TRPM2: variants seen among roughly 807,000 people sequenced by gnomAD.
TRPM2 encodes the protein transient receptor potential cation channel subfamily M member 2.
TRPM2 carries 161 observed loss-of-function variants against 174.0 expected under a neutral mutation model. The ratio of observed to expected loss-of-function variants is 0.93; its 90% CI spans 0.81 to 1.05. The LOEUF (loss-of-function observed/expected upper bound fraction) is 1.05, where lower values mean the gene tolerates loss of function less well. TRPM2 is among the 50% of genes least tolerant of loss of function. TRPM2 has a pLI of 0.00. For missense variants in TRPM2, 2,057 were observed against 2,038.0 expected, an observed-to-expected ratio of 1.01 and a Z score of -0.18; for synonymous variants, 954 against 861.3, an observed-to-expected ratio of 1.11 and a Z score of -1.88.
At chr21:44,378,972 G>A in intron 7 of TRPM2, 25 bp from the exon 8 acceptor site, 1 of 1,597,180 alleles carries the variant, frequency 6.3e-7, no homozygotes, top group Non-Finnish European at 8.5e-7. Context: ...CCAGTCCCGG[G>A]CTCACACCCC....
At chr21:44,377,274 G>A (rs1393736849) in intron 6 of TRPM2, among the ~76,000 whole-genome samples, 1 of 152,226 alleles carries the variant, frequency 6.6e-6, no homozygotes, top group Non-Finnish European at 1.5e-5. Context: ...GACACAGGAT[G>A]GACGTGCCGC....
At chr21:44,441,489 C>A (rs1569127592) in intron 31 of TRPM2, among the ~76,000 whole-genome samples, 1 of 152,212 alleles carries the variant, frequency 6.6e-6, no homozygotes, top group Non-Finnish European at 1.5e-5. Flanking sequence ...AAAGCTGCAC[C>A]TGCATCTTCT....
At chr21:44,426,073 C>T (rs894658516) in intron 25 of TRPM2, among the ~76,000 whole-genome samples, 1 of 152,170 alleles carries the variant, frequency 6.6e-6, no homozygotes, top group African/African-American at 2.4e-5. Context: ...CCCCACAGAG[C>T]TCGAGGCTTA....
chr21:44,426,521 C>T, intron 25 of TRPM2, 139 bp from the exon 26 acceptor site: 1 of 901,492 alleles, frequency 1.1e-6, no homozygotes, highest in Non-Finnish European at 1.8e-6. Flanking sequence ...CGGATCTGCC[C>T]AGCTTGGAGC....
Position 44,439,299 on chromosome 21 carries a change from G to T in TRPM2, c.4269+131G>T. 1.3e-6 allele frequency: 1 copy of T among 772,928 alleles called. No individual in the cohort carries two copies. The allele number at this position is 772,928 out of a possible 1,614,324, so 47.9% of individuals were successfully genotyped here. A position where few individuals can be genotyped will look rare whatever the true frequency, so the allele number is the denominator to read the frequency against. On this transcript the variant is annotated intron_variant, in intron 30 of 31. Transcript: ENST00000397928. The surrounding 1 kb of genome is among the most constrained non-coding windows in gnomAD (Gnocchi z 5.1). ...TCCCACCCAGCTTCACCAGGTGACGGTGGTCCCAGCCCCTGCCCCCACGTT... is the reference window on the plus strand; with the variant it reads ...TCCCACCCAGCTTCACCAGGTGACGTTGGTCCCAGCCCCTGCCCCCACGTT...
At chr21:44,417,298 C>T (rs2050329930) in intron 20 of TRPM2, among the ~76,000 whole-genome samples, 3 of 133,702 alleles carry the variant, frequency 2.2e-5, no homozygotes, top group African/African-American at 8.7e-5. Context: ...TCTGGCATCA[C>T]AGTGGGCACA....
At chr21:44,392,455 G>A (rs1377096274) in intron 11 of TRPM2, among the ~76,000 whole-genome samples, 2 of 150,140 alleles carry the variant, frequency 1.3e-5, no homozygotes, top group Non-Finnish European at 3.0e-5. Context: ...TTGTTGAGAT[G>A]GGGTCTCATT....
intron 19 of TRPM2, among the ~76,000 whole-genome samples, chr21:44,413,142 C>G (rs994595890): frequency 6.6e-6 from 1 of 151,848 alleles, no homozygotes. Flanking sequence ...CTTGTCGATA[C>G]ATTGCCTCTG....
intron 9 of TRPM2, 126 bp from the exon 10 acceptor site, chr21:44,390,778 G>T (rs911445375): frequency 3.0e-6 from 4 of 1,314,058 alleles, no homozygotes; most frequent in Non-Finnish European, 3.2e-6. Context: ...TGGGTGCTGC[G>T]CCTGTCACTT....
intron 12 of TRPM2, among the ~76,000 whole-genome samples, chr21:44,396,016 C>G (rs141359423): frequency 1.5e-3 from 12 of 7,962 alleles, no homozygotes; most frequent in Middle Eastern, 0.1. Flanking sequence ...TGTGGAGGCT[C>G]TGGAGGGGTG....
Position 44,390,995 on chromosome 21 carries a change from T to C in TRPM2, c.1410T>C (p.Ser470=), listed in dbSNP as rs2049155727. The change falls in exon 10 of 32, where the codon AGT becomes AGC. Residue 470 remains serine, a synonymous_variant. Coordinates refer to ENST00000397928, the MANE Select transcript of TRPM2 (RefSeq NM_003307.4). ...VAWNRVDIAR[S]EIFMDEWQWK... ...GGAATCGCGTGGACATTGCCCGCAGTGAGATCTTCATGGATGAGTGGCAGT... is the reference window on the plus strand; with the variant it reads ...GGAATCGCGTGGACATTGCCCGCAGCGAGATCTTCATGGATGAGTGGCAGT... 6.8e-6 allele frequency: 11 copies of C among 1,612,994 alleles called. No individual in the cohort carries two copies. Among genetic ancestry groups the C allele is most frequent in the Non-Finnish European group, 8.5e-6 (10 of 1,179,288 alleles).
intron 19 of TRPM2, 119 bp downstream of exon 19, chr21:44,406,884 C>A (rs1162602373): frequency 4.1e-5 from 54 of 1,318,708 alleles, no homozygotes; most frequent in Non-Finnish European, 5.2e-5. Context: ...GCGGTTCCCA[C>A]CTGGCCGGTG....
chr21:44,410,716 G>A (rs1475555492), intron 19 of TRPM2, among the ~76,000 whole-genome samples: 2 of 63,288 alleles, frequency 3.2e-5, no homozygotes, highest in Non-Finnish European at 7.4e-5. Context: ...GCGTAGCCTT[G>A]TAGTAAGTTT....
intron 9 of TRPM2, among the ~76,000 whole-genome samples, chr21:44,386,300 T>G (rs1174262284): frequency 6.6e-6 from 1 of 152,028 alleles, no homozygotes; most frequent in Non-Finnish European, 1.5e-5. Flanking sequence ...CCCAGCTACT[T>G]GGGAGGCTGA....
Position 44,439,024 on chromosome 21 carries a change from C to T in TRPM2, c.4168-43C>T. The T allele has an allele frequency of 6.4e-7, 1 of 1,562,034 alleles. No individual in the cohort carries two copies. The highest frequency in any genetic ancestry group is 8.8e-7 in the Non-Finnish European group (1 of 1,140,122). On this transcript the variant is annotated intron_variant, in intron 29 of 31. Coordinates refer to ENST00000397928, the MANE Select transcript of TRPM2 (RefSeq NM_003307.4). This position sits in a 1 kb window ranked among gnomAD's most constrained non-coding sequence, Gnocchi z 5.1. Reference sequence around the variant, plus strand: ...GGTGCCAGGGCAGCCTGAGGTCCCGCTTCGGTGCCCTGTTGACCTGCCTCC... The same window carrying T: ...GGTGCCAGGGCAGCCTGAGGTCCCGTTTCGGTGCCCTGTTGACCTGCCTCC...
chr21:44,387,278 G>A (rs543182697), intron 9 of TRPM2, among the ~76,000 whole-genome samples: 27 of 152,294 alleles, frequency 1.8e-4, no homozygotes, highest in Admixed American at 1.3e-3. Flanking sequence ...TATTTGACAG[G>A]AATGCAAAAA....
intron 9 of TRPM2, among the ~76,000 whole-genome samples, chr21:44,387,402 C>G (rs1376389213): frequency 1.3e-5 from 2 of 152,190 alleles, no homozygotes; most frequent in Non-Finnish European, 2.9e-5. Context: ...CAAAAACTAA[C>G]TCAAAGTAGA....
At chr21:44,365,164 AG>A (rs1189314011) in intron 3 of TRPM2, among the ~76,000 whole-genome samples, 32 of 146,822 alleles carry the variant, frequency 2.2e-4, no homozygotes, top group African/African-American at 7.8e-4. Flanking sequence ...AGCCTTCTGG[AG>A]GGTTCTGAGA....
At chr21:44,416,719 G>T in intron 20 of TRPM2, 2 of 201,892 alleles carry the variant, frequency 9.9e-6, no homozygotes, top group Non-Finnish European at 1.0e-5. Context: ...CTGGCCTCCC[G>T]TGTGGCGTGG....
Sources: gnomAD v4.1 joint callset for allele counts (sites outside exome capture counted in the v4.1 genomes callset) on GRCh38, gnomAD v4.1.1 for gene constraint, Gnocchi (gnomAD v3.1) non-coding constraint, MANE v1.5 for transcripts, NCBI Gene and HGNC (gene_info 2026-07-23, HGNC 2026-07-21) for gene names.